Variants in RBFOX3 observed in about 807,000 individuals in gnomAD.
The protein encoded by RBFOX3 is RNA binding protein fox-1 homolog 3.
RBFOX3 carries 17 observed loss-of-function variants against 48.7 expected under a neutral mutation model. The observed-to-expected ratio is 0.35, with a 90% CI of 0.24 to 0.52. The LOEUF is 0.52. Among genes scored for constraint, RBFOX3 ranks in the 20% least tolerant of loss-of-function variants. The pLI, the probability that RBFOX3 is intolerant of heterozygous loss-of-function variation, is 0.94. For synonymous variants in RBFOX3, 212 were observed against 209.5 expected (o/e 1.01, Z -0.10); for missense variants, 382 against 497.5 (o/e 0.77, Z 2.21).
At chr17:79,231,403 T>C (rs1270912307) in intron 4 of RBFOX3, among the ~76,000 whole-genome samples, 7 of 152,176 alleles carry the variant, frequency 4.6e-5, no homozygotes, top group Non-Finnish European at 1.0e-4. Context: ...TTACTGTTCA[T>C]GGGGCACTGG....
intron 1 of RBFOX3, among the ~76,000 whole-genome samples, chr17:79,571,281 C>T (rs900402830): frequency 8.7e-4 from 132 of 152,204 alleles, no homozygotes; most frequent in African/African-American, 2.7e-3. Flanking sequence ...AATGGCAGAG[C>T]CTGCCCTAGA....
chr17:79,554,837 C>G (rs1402994714), intron 1 of RBFOX3, among the ~76,000 whole-genome samples: 1 of 152,206 alleles, frequency 6.6e-6, no homozygotes, highest in Non-Finnish European at 1.5e-5. Flanking sequence ...TCCTCAGACA[C>G]CACCATGAGG....
chr17:79,212,860 A>G lies in RBFOX3; in HGVS notation c.-34+22906T>C, dbSNP rs1428725279. On this transcript the variant is annotated intron_variant, in intron 4 of 14. Coordinates refer to ENST00000693108, the MANE Select transcript of RBFOX3 (RefSeq NM_001350451.2). This position sits in a 1 kb window ranked among gnomAD's most constrained non-coding sequence, Gnocchi z 4.7. ...GGGGCCTGGAAACAGATGTCACCTCAGCTACAGTGTTTGAGTTGGAGTCTG... is the reference window on the plus strand; with the variant it reads ...GGGGCCTGGAAACAGATGTCACCTCGGCTACAGTGTTTGAGTTGGAGTCTG... Among the ~76,000 whole-genome samples the G allele has an allele frequency of 6.6e-6, 1 of 152,092 alleles. No individual in the cohort carries two copies. The highest frequency in any genetic ancestry group is 6.5e-5 in the Admixed American group (1 of 15,270).
At chr17:79,446,561 C>T (rs1325247035) in intron 2 of RBFOX3, among the ~76,000 whole-genome samples, 5 of 152,204 alleles carry the variant, frequency 3.3e-5, no homozygotes, top group African/African-American at 1.2e-4. Flanking sequence ...GTTAGTGTAC[C>T]ATTGCTATGG....
chr17:79,404,624 C>T (rs1238877574), intron 2 of RBFOX3, among the ~76,000 whole-genome samples: 1 of 151,866 alleles, frequency 6.6e-6, no homozygotes, highest in African/African-American at 2.4e-5. Flanking sequence ...CTGTCCCTCC[C>T]CTCCCATTAC....
At chr17:79,498,898 A>ATCCATCCG (rs2081996359) in intron 1 of RBFOX3, among the ~76,000 whole-genome samples, 1 of 149,398 alleles carries the variant, frequency 6.7e-6, no homozygotes, top group Non-Finnish European at 1.5e-5. Flanking sequence ...CCATCCATCC[A>ATCCATCCG]TCCATCCATA....
At chr17:79,222,630 G>A (rs768609610) in intron 4 of RBFOX3, among the ~76,000 whole-genome samples, 3 of 152,204 alleles carry the variant, frequency 2.0e-5, no homozygotes, top group African/African-American at 4.8e-5. Context: ...CTCACAGGAC[G>A]ACAATGCCCA....
chr17:79,240,563 C>A (rs893023443), intron 3 of RBFOX3, among the ~76,000 whole-genome samples: 1 of 152,238 alleles, frequency 6.6e-6, no homozygotes, highest in Non-Finnish European at 1.5e-5. Context: ...TCATTGACCT[C>A]ACGTCAGCCC....
chr17:79,138,759 TC>T (rs2041077960), intron 4 of RBFOX3, among the ~76,000 whole-genome samples: 1 of 4,892 alleles, frequency 2.0e-4, no homozygotes, highest in African/African-American at 8.0e-4. Flanking sequence ...CACACCACCA[TC>T]CACAAACATG....
At chr17:79,349,620 A>G (rs1424537906) in intron 2 of RBFOX3, among the ~76,000 whole-genome samples, 1 of 151,966 alleles carries the variant, frequency 6.6e-6, no homozygotes, top group African/African-American at 2.4e-5. Context: ...CTCCAGTCTG[A>G]TGTCTGGTGA....
intron 2 of RBFOX3, among the ~76,000 whole-genome samples, chr17:79,464,227 C>G (rs146896387): frequency 6.6e-6 from 1 of 151,888 alleles, no homozygotes; most frequent in Non-Finnish European, 1.5e-5. Flanking sequence ...TCTCCCTTCA[C>G]CACCAAGGAG....
Position 79,115,551 on chromosome 17 carries a change from G to A in RBFOX3, c.165C>T (p.Pro55=), listed in dbSNP as rs1019002644. ...MTLYTPAQTH[P]EQPGSEASTQ... ...TGCTGGCCTCGGAGCCTGGCTGCTC[G>A]GGGTGGGTCTGTGCTGGTGTGTACA... Residue 55 remains proline, a synonymous_variant, in exon 5 of 15, where the codon CCC becomes CCT. Coordinates refer to ENST00000693108, the MANE Select transcript of RBFOX3 (RefSeq NM_001350451.2). The A allele has an allele frequency of 5.2e-6, 7 of 1,335,540 alleles. No individual in the cohort carries two copies. Among genetic ancestry groups the A allele is most frequent in the African/African-American group, 1.5e-5 (1 of 65,388 alleles). 82.7% of individuals were successfully genotyped at this position (1,335,540 alleles called of 1,614,324 possible).
At chr17:79,403,374 G>A (rs887374434) in intron 2 of RBFOX3, among the ~76,000 whole-genome samples, 4 of 152,214 alleles carry the variant, frequency 2.6e-5, no homozygotes, top group Non-Finnish European at 4.4e-5. Flanking sequence ...AATTAGAGAC[G>A]GGCAGCTCCC....
At position 79,482,513 on chromosome 17, in the gene RBFOX3, T is replaced by G. The variant is rs2078915019; in HGVS notation, c.-234A>C. 1 of 152,290 alleles carries G rather than the reference T, an allele frequency of 6.6e-6. No homozygotes were observed. Among genetic ancestry groups the G allele is most frequent in the Non-Finnish European group, 1.5e-5 (1 of 68,044 alleles). The allele number at this position is 152,290 out of a possible 1,614,324, so 9.4% of individuals were successfully genotyped here. On this transcript the variant is annotated 5_prime_UTR_variant, in exon 2 of 15. Coordinates refer to ENST00000693108, the MANE Select transcript of RBFOX3 (RefSeq NM_001350451.2). This position sits in a 1 kb window ranked among gnomAD's most constrained non-coding sequence, Gnocchi z 4.1. ...GGGGAGGCCCCAGTGGGGCTCCTTC[T>G]GGACCGTCCTTGGCAAGGAGGGGGC...
intron 9 of RBFOX3, among the ~76,000 whole-genome samples, chr17:79,101,117 C>T (rs2076348041): frequency 6.6e-6 from 1 of 152,150 alleles, no homozygotes; most frequent in Non-Finnish European, 1.5e-5. Context: ...GATGAAGAGA[C>T]TGGAACTCAG....
the RBFOX3 span, among the ~76,000 whole-genome samples, chr17:79,642,479 A>T: frequency 7.7e-3 from 1,180 of 152,312 alleles, 8 homozygotes; most frequent in Non-Finnish European, 0.012. Context: ...CCTTAAATAT[A>T]TACAATTTTT....
In RBFOX3 at chr17:79,373,647, G is replaced by A. The variant is rs1314566544; in HGVS notation, c.-174-65823C>T. Among the ~76,000 whole-genome samples, 4 of 152,022 alleles carry A rather than the reference G, an allele frequency of 2.6e-5. No individual in the cohort carries two copies. In the East Asian group the frequency reaches 7.8e-4, roughly 29 times the overall value. On this transcript the variant is annotated intron_variant, in intron 2 of 14. Transcript: ENST00000693108. ...AGCCCACACTGGAGGCCCCTGGGGT[G>A]CCAGCATCATTTTTATGTGTGAGTT...
the RBFOX3 span, among the ~76,000 whole-genome samples, chr17:79,636,863 T>C: frequency 6.6e-6 from 1 of 152,154 alleles, no homozygotes; most frequent in Non-Finnish European, 1.5e-5. Context: ...ACATAAGATG[T>C]AGAATGTCTG....
At chr17:79,118,814 TA>T (rs34700433) in intron 4 of RBFOX3, among the ~76,000 whole-genome samples, 30,427 of 142,174 alleles carry the variant, frequency 0.21, 3,265 homozygotes, top group African/African-American at 0.28. Context: ...CTACAAAAAA[TA>T]AAAAAAAAAA....
Sources: allele counts gnomAD v4.1 joint callset (sites outside exome capture counted in the v4.1 genomes callset), GRCh38; gene constraint gnomAD v4.1.1; non-coding constraint Gnocchi (gnomAD v3.1); transcripts MANE v1.5; gene names NCBI Gene and HGNC (gene_info 2026-07-23, HGNC 2026-07-21).